Variants in HTR5A observed in about 807,000 individuals in gnomAD.
The protein encoded by HTR5A is 5-HT-5.
In HTR5A, 21 loss-of-function variants were observed where a neutral mutation model predicts 24.3. That is an observed-to-expected ratio of 0.86 (90% CI 0.61 to 1.24). The LOEUF (loss-of-function observed/expected upper bound fraction) is 1.24. HTR5A is among the 50% of genes most tolerant of loss of function. The pLI, the probability that HTR5A is intolerant of heterozygous loss-of-function variation, is 0.00. For synonymous variants in HTR5A, 260 were observed against 213.7 expected (o/e 1.22, Z -1.89); for missense variants, 497 against 489.5 (o/e 1.02, Z -0.15).
Position 155,070,649 on chromosome 7 carries a change from T to C in HTR5A, c.-251T>C. 1 of 536,996 alleles carries C rather than the reference T, an allele frequency of 1.9e-6. No individual in the cohort carries two copies. Among genetic ancestry groups the C allele is most frequent in the Non-Finnish European group, 3.3e-6 (1 of 300,124 alleles). 33.3% of individuals were successfully genotyped at this position (536,996 alleles called of 1,614,324 possible). ...CCTGACAGCTTAGGCGGGCCCTGGC[T>C]GCGACACGCAGCCCCTCGCCTCTGC... On this transcript the variant is annotated 5_prime_UTR_variant, in exon 1 of 2. Coordinates refer to ENST00000287907, the MANE Select transcript of HTR5A (RefSeq NM_024012.4).
intron 1 of HTR5A, among the ~76,000 whole-genome samples, chr7:155,073,887 A>ATATGTGTG (rs1554519624): frequency 4.8e-5 from 6 of 124,466 alleles, no homozygotes; most frequent in African/African-American, 6.8e-5. Flanking sequence ...GTATATATAT[A>ATATGTGTG]TGTATATATA....
chr7:155,070,791 A>G lies in HTR5A; in HGVS notation c.-109A>G, dbSNP rs1256172110. 2 of 1,153,198 alleles carry G rather than the reference A, an allele frequency of 1.7e-6. No individual in the cohort carries two copies. The highest frequency in any genetic ancestry group is 2.3e-5 in the Admixed American group (1 of 43,968). The allele number at this position is 1,153,198 out of a possible 1,614,324, so 71.4% of individuals were successfully genotyped here. A position where few individuals can be genotyped will look rare whatever the true frequency, so the allele number is the denominator to read the frequency against. ...ACAGGCACTTTCCAGAAACTCCCCC[A>G]CTGGCCAGAGGTTGCAAACATCCGG... On this transcript the variant is annotated 5_prime_UTR_variant, in exon 1 of 2. Transcript: ENST00000287907.
intron 1 of HTR5A, among the ~76,000 whole-genome samples, chr7:155,079,207 C>T (rs1054672269): frequency 6.6e-6 from 1 of 152,172 alleles, no homozygotes; most frequent in African/African-American, 2.4e-5. Context: ...CCCACCTTGG[C>T]CTCTCAAAGG....
chr7:155,074,840 A>G (rs1437765362), intron 1 of HTR5A: 2 of 152,218 alleles, frequency 1.3e-5, no homozygotes, highest in Non-Finnish European at 2.9e-5. Context: ...GACTCTATAC[A>G]TGTAGACAAA....
chr7:155,073,960 G>GT (rs1795333172), intron 1 of HTR5A, among the ~76,000 whole-genome samples: 1 of 144,946 alleles, frequency 6.9e-6, no homozygotes, highest in Non-Finnish European at 1.5e-5. Context: ...TCCCAGATCA[G>GT]TTTTTTAAAT....
chr7:155,087,093 TC>T lies in HTR5A; in HGVS notation c.*2608del, dbSNP rs1201785347. ...ACAAAGTACAAAGGAGATAATCCTC[TC>T]CTTATGAGTGATCTTAGCCCTCTTG... On this transcript the variant is annotated 3_prime_UTR_variant, in exon 2 of 2. Transcript: ENST00000287907. 6.6e-6 allele frequency among the ~76,000 whole-genome samples: 1 copy of T among 152,144 alleles called. No homozygotes were observed. The highest frequency in any genetic ancestry group is 2.4e-5 in the African/African-American group (1 of 41,434).
At chr7:155,074,315 T>A (rs1384546471) in intron 1 of HTR5A, among the ~76,000 whole-genome samples, 2 of 152,078 alleles carry the variant, frequency 1.3e-5, no homozygotes, top group African/African-American at 4.8e-5. Context: ...CTGCTAGAGA[T>A]CTGAAATAAA....
intron 1 of HTR5A, among the ~76,000 whole-genome samples, chr7:155,083,643 T>G (rs1282805184): frequency 6.6e-6 from 1 of 152,208 alleles, no homozygotes. Flanking sequence ...TCCTTGTTAC[T>G]GGACCGCCTC....
chr7:155,084,768 T>G lies in HTR5A; in HGVS notation c.*281T>G, dbSNP rs961859684. On this transcript the variant is annotated 3_prime_UTR_variant, in exon 2 of 2. Transcript: ENST00000287907. ...GCAAAGTGTCCTTTCCTCCCCAAAT[T>G]CACTCTGGCATGGTGATCGACATTG... The G allele has an allele frequency of 7.8e-6, 3 of 384,212 alleles. No individual in the cohort carries two copies. Among genetic ancestry groups the G allele is most frequent in the African/African-American group, 2.1e-5 (1 of 47,898 alleles). 23.8% of individuals were successfully genotyped at this position (384,212 alleles called of 1,614,324 possible). A position where few individuals can be genotyped will look rare whatever the true frequency, so the allele number is the denominator to read the frequency against.
At chr7:155,071,999 T>A (rs1042567197) in intron 1 of HTR5A, among the ~76,000 whole-genome samples, 2 of 152,024 alleles carry the variant, frequency 1.3e-5, no homozygotes, top group African/African-American at 4.8e-5. Flanking sequence ...GCTGATTCAG[T>A]ACACTGGAAA....
rs1795279456 is a variant in HTR5A, at chr7:155,070,739, C to G, written c.-161C>G. On this transcript the variant is annotated 5_prime_UTR_variant, in exon 1 of 2. Coordinates refer to ENST00000287907, the MANE Select transcript of HTR5A (RefSeq NM_024012.4). ...AGCCACACCATCTCCAACGGATGCT[C>G]ACTAGCAGGAAATTGGGGCCAAATT... The G allele has an allele frequency of 2.7e-6, 2 of 749,064 alleles. No individual in the cohort carries two copies. The highest frequency in any genetic ancestry group is 4.4e-6 in the Non-Finnish European group (2 of 452,898). 46.4% of individuals were successfully genotyped at this position (749,064 alleles called of 1,614,324 possible).
At chr7:155,073,889 G>GTA (rs1169692099) in intron 1 of HTR5A, among the ~76,000 whole-genome samples, 443 of 9,638 alleles carry the variant, frequency 0.046, 7 homozygotes, top group African/African-American at 0.062. Flanking sequence ...ATATATATAT[G>GTA]TATATATATA....
At position 155,071,485 on chromosome 7, in the gene HTR5A, C is replaced by T; in HGVS notation, c.586C>T (p.Arg196Cys). 2 of 1,614,168 alleles carry T rather than the reference C, an allele frequency of 1.2e-6. No homozygotes were observed. The highest frequency in any genetic ancestry group is 4.5e-5 in the East Asian group (2 of 44,874). Residue 196 changes from arginine to cysteine, a missense_variant, in exon 1 of 2, where the codon CGC becomes TGC. Coordinates refer to ENST00000287907, the MANE Select transcript of HTR5A (RefSeq NM_024012.4). ...SEGSEECQVSREPSYAVFSTV... is the reference protein window; with the variant it reads ...SEGSEECQVSCEPSYAVFSTV... Reference sequence around the variant, plus strand: ...GGGCAGCGAGGAGTGCCAGGTAAGCCGCGAGCCTTCCTACGCCGTGTTCTC... The same window carrying T: ...GGGCAGCGAGGAGTGCCAGGTAAGCTGCGAGCCTTCCTACGCCGTGTTCTC...
At position 155,086,746 on chromosome 7, in the gene HTR5A, T is replaced by C. The variant is rs917243756; in HGVS notation, c.*2259T>C. Reference sequence around the variant, plus strand: ...AAGTTGTTTATACCCTGGTAAGAAATGTAGACATTCATTGACTTTGAGTCT... The same window carrying C: ...AAGTTGTTTATACCCTGGTAAGAAACGTAGACATTCATTGACTTTGAGTCT... On this transcript the variant is annotated 3_prime_UTR_variant, in exon 2 of 2. Transcript: ENST00000287907. Among the ~76,000 whole-genome samples the C allele has an allele frequency of 1.3e-5, 2 of 152,204 alleles. No homozygotes were observed. Among genetic ancestry groups the C allele is most frequent in the African/African-American group, 4.8e-5 (2 of 41,450 alleles).
chr7:155,075,947 A>T (rs1795355022), intron 1 of HTR5A, among the ~76,000 whole-genome samples: 1 of 152,176 alleles, frequency 6.6e-6, no homozygotes, highest in Admixed American at 6.6e-5. Context: ...CTTCATAAGG[A>T]GGTATAGTCC....
At chr7:155,073,660 A>T (rs1795323608) in intron 1 of HTR5A, among the ~76,000 whole-genome samples, 1 of 151,816 alleles carries the variant, frequency 6.6e-6, no homozygotes, top group Non-Finnish European at 1.5e-5. Flanking sequence ...CCTGATGTTT[A>T]TTCAGGCAAA....
chr7:155,082,466 A>G (rs1795428438), intron 1 of HTR5A, among the ~76,000 whole-genome samples: 1 of 152,196 alleles, frequency 6.6e-6, no homozygotes, highest in Admixed American at 6.5e-5. Context: ...TATAACCAGC[A>G]TCTCCAGTGT....
chr7:155,083,718 T>C (rs761592525), intron 1 of HTR5A, among the ~76,000 whole-genome samples: 1 of 152,128 alleles, frequency 6.6e-6, no homozygotes, highest in African/African-American at 2.4e-5. Context: ...AGTTCTAACA[T>C]TATAGAGGGG....
At chr7:155,072,918 A>C (rs1304940535) in intron 1 of HTR5A, among the ~76,000 whole-genome samples, 2 of 152,132 alleles carry the variant, frequency 1.3e-5, no homozygotes, top group East Asian at 3.9e-4. Context: ...GAAAGAAGAA[A>C]ACGAGGGGTC....
Sources: gnomAD v4.1 joint callset for allele counts (sites outside exome capture counted in the v4.1 genomes callset) on GRCh38, gnomAD v4.1.1 for gene constraint, MANE v1.5 for transcripts, NCBI Gene and HGNC (gene_info 2026-07-23, HGNC 2026-07-21) for gene names.